Variants in CHODL observed in about 807,000 individuals in gnomAD.
CHODL encodes transmembrane protein MT75.
A neutral mutation model predicts 34.5 loss-of-function variants in CHODL; 29 were observed. That is an observed-to-expected ratio of 0.84 (90% CI 0.63 to 1.15). The LOEUF (loss-of-function observed/expected upper bound fraction) is 1.15. CHODL is among the 50% of genes most tolerant of loss of function. CHODL has a pLI of 0.00. For missense variants in CHODL, 332 were observed against 332.5 expected, an observed-to-expected ratio of 1.00 and a Z score of 0.01; for synonymous variants, 125 against 116.1, an observed-to-expected ratio of 1.08 and a Z score of -0.49.
At chr21:17,947,556 C>G (rs1311481291) in intron 1 of CHODL, among the ~76,000 whole-genome samples, 1 of 151,762 alleles carries the variant, frequency 6.6e-6, no homozygotes, top group Non-Finnish European at 1.5e-5. Flanking sequence ...CACACACACA[C>G]ACACACACAC....
At chr21:18,118,514 C>T (rs944126849) in intron 2 of CHODL, among the ~76,000 whole-genome samples, 7 of 152,188 alleles carry the variant, frequency 4.6e-5, no homozygotes, top group African/African-American at 1.7e-4. Context: ...TCATAAATCA[C>T]TCTTCCAATA....
intron 2 of CHODL, among the ~76,000 whole-genome samples, chr21:18,104,486 A>G (rs2065251444): frequency 1.3e-5 from 2 of 152,170 alleles, no homozygotes; most frequent in East Asian, 3.9e-4. Flanking sequence ...ACTTTCCTTT[A>G]TAAATTTCCC....
In CHODL at chr21:18,122,266, G is replaced by A. The variant is rs538458444; in HGVS notation, c.-45+94295G>A. On this transcript the variant is annotated intron_variant, in intron 2 of 6. Coordinates refer to the CHODL transcript ENST00000400127. ...ATGGGATAAATTCAAAACTACCAAT[G>A]GATGACATACATTCTTTTTAAAACC... 1.3e-4 allele frequency among the ~76,000 whole-genome samples: 20 copies of A among 152,068 alleles called. 1 individual carries two copies. In the East Asian group the frequency reaches 2.7e-3, roughly 21 times the overall value.
chr21:18,161,764 A>T (rs2073098098), intron 2 of CHODL, among the ~76,000 whole-genome samples: 1 of 152,038 alleles, frequency 6.6e-6, no homozygotes, highest in Non-Finnish European at 1.5e-5. Context: ...GAGTATTTCT[A>T]TTGCATTTGT....
chr21:18,146,657 G>C (rs184001889), intron 2 of CHODL, among the ~76,000 whole-genome samples: 1 of 152,296 alleles, frequency 6.6e-6, no homozygotes, highest in African/African-American at 2.4e-5. Context: ...AAATTACCCA[G>C]TCTCAGCTAT....
At chr21:17,945,801 TAATC>T (rs2063402756) in intron 1 of CHODL, among the ~76,000 whole-genome samples, 1 of 152,156 alleles carries the variant, frequency 6.6e-6, no homozygotes, top group Non-Finnish European at 1.5e-5. Context: ...AGACATCTAA[TAATC>T]AAACTATCAA....
chr21:18,151,082 CAAAA>C (rs61176066), intron 2 of CHODL, among the ~76,000 whole-genome samples: 2 of 123,018 alleles, frequency 1.6e-5, no homozygotes, highest in African/African-American at 6.7e-5. Flanking sequence ...GACTCTGTGT[CAAAA>C]AAAAAAAAAA....
At chr21:17,943,575 A>G (rs2063382806) in intron 1 of CHODL, among the ~76,000 whole-genome samples, 2 of 152,256 alleles carry the variant, frequency 1.3e-5, no homozygotes, top group South Asian at 4.1e-4. Flanking sequence ...TTCCCCTTAC[A>G]GAAAGTTCAA....
In CHODL at chr21:17,953,935, G is replaced by A. The variant is rs559445455; in HGVS notation, c.-145+36535G>A. Among the ~76,000 whole-genome samples the A allele has an allele frequency of 1.2e-4, 18 of 152,220 alleles. No homozygotes were observed. The South Asian group carries it at 3.5e-3, about 30-fold the overall frequency. On this transcript the variant is annotated intron_variant, in intron 1 of 6. Transcript: ENST00000400127. The stretch of plus-strand genomic sequence containing the variant: ...TGAGGCAGGACAATCACTTGAACCC[G>A]GGAGGTGGAGGTTGCATGAGCTGAG...
At chr21:17,930,348 C>T (rs1430622555) in intron 1 of CHODL, among the ~76,000 whole-genome samples, 1 of 152,212 alleles carries the variant, frequency 6.6e-6, no homozygotes, top group Non-Finnish European at 1.5e-5. Context: ...TTATTAGCAG[C>T]AGTTGTAGGG....
chr21:18,175,729 TAGAG>T (rs145120562), intron 2 of CHODL, among the ~76,000 whole-genome samples: 15,045 of 151,970 alleles, frequency 0.099, 940 homozygotes, highest in South Asian at 0.17. Context: ...GGTACTGAGA[TAGAG>T]AGTATCAAAA....
upstream of CHODL, among the ~76,000 whole-genome samples, chr21:18,242,932 G>T (rs956501544): frequency 1.3e-5 from 2 of 152,140 alleles, no homozygotes; most frequent in Non-Finnish European, 2.9e-5. Context: ...TATCTATCTA[G>T]TGCTTATGTT....
At chr21:18,054,912 CTCTG>C (rs1238323959) in intron 2 of CHODL, among the ~76,000 whole-genome samples, 1 of 151,958 alleles carries the variant, frequency 6.6e-6, no homozygotes, top group Non-Finnish European at 1.5e-5. Flanking sequence ...GGCAACAAGC[CTCTG>C]TTTTTCCAGC....
At chr21:18,185,392 T>C (rs968864927) in intron 2 of CHODL, among the ~76,000 whole-genome samples, 1 of 152,344 alleles carries the variant, frequency 6.6e-6, no homozygotes, top group South Asian at 2.1e-4. Context: ...ATGGTGTATA[T>C]GTGCCACATT....
At chr21:18,030,539 G>A (rs1328083126) in intron 2 of CHODL, among the ~76,000 whole-genome samples, 1 of 152,054 alleles carries the variant, frequency 6.6e-6, no homozygotes, top group Non-Finnish European at 1.5e-5. Context: ...GTTAAGCATT[G>A]GATAATCTGT....
intron 1 of CHODL, among the ~76,000 whole-genome samples, chr21:17,921,982 C>T (rs2063186583): frequency 7.5e-6 from 1 of 133,018 alleles, no homozygotes; most frequent in South Asian, 2.9e-4. Context: ...CAGATTTATT[C>T]CACAATAAAG....
At chr21:18,126,397 G>T (rs1356434860) in intron 2 of CHODL, among the ~76,000 whole-genome samples, 1 of 152,016 alleles carries the variant, frequency 6.6e-6, no homozygotes, top group Non-Finnish European at 1.5e-5. Context: ...TATATACACT[G>T]GGAAAACAAA....
intron 1 of CHODL, among the ~76,000 whole-genome samples, chr21:17,995,496 A>G (rs2063840476): frequency 6.6e-6 from 1 of 152,128 alleles, no homozygotes; most frequent in African/African-American, 2.4e-5. Flanking sequence ...TCCCTGCTGA[A>G]TTCCAGTGTT....
intron 2 of CHODL, among the ~76,000 whole-genome samples, chr21:18,157,466 G>C (rs2073047832): frequency 6.6e-6 from 1 of 152,176 alleles, no homozygotes; most frequent in South Asian, 2.1e-4. Context: ...TTGTTATTTA[G>C]TTCACTCGTA....
Sources: gnomAD v4.1 joint callset for allele counts (sites outside exome capture counted in the v4.1 genomes callset) on GRCh38, gnomAD v4.1.1 for gene constraint, MANE v1.5 for transcripts, NCBI Gene and HGNC (gene_info 2026-07-23, HGNC 2026-07-21) for gene names.